The following LPP variants were observed in gnomAD, a reference collection of about 807,000 sequenced individuals.
The protein encoded by LPP is LIM domain containing preferred translocation partner in lipoma, also known as lipoma-preferred partner.
LPP carries 38 observed loss-of-function variants against 60.4 expected under a neutral mutation model. The observed-to-expected ratio is 0.63, with a 90% CI of 0.49 to 0.83. LPP has a LOEUF of 0.83. Among genes scored for constraint, LPP ranks in the 40% least tolerant of loss-of-function variants. The pLI is 0.00. For missense variants in LPP, 902 were observed against 783.6 expected, an observed-to-expected ratio of 1.15 and a Z score of -1.80; for synonymous variants, 328 against 290.8, an observed-to-expected ratio of 1.13 and a Z score of -1.30.
intron 4 of LPP, among the ~76,000 whole-genome samples, chr3:188,450,419 A>G (rs1469234322): frequency 1.3e-5 from 2 of 152,134 alleles, no homozygotes; most frequent in Non-Finnish European, 2.9e-5. Flanking sequence ...GTTAATTCAC[A>G]TTTATCTATA....
At chr3:188,531,000 C>T (rs1014390675) in intron 6 of LPP, among the ~76,000 whole-genome samples, 1 of 152,134 alleles carries the variant, frequency 6.6e-6, no homozygotes, top group African/African-American at 2.4e-5. Context: ...AGTTAGGGTA[C>T]AGTATTCATC....
rs535252272 is a variant in LPP at position 188,760,405 on chromosome 3, G to T, written c.1410+123G>T. 5.0e-5 allele frequency: 37 copies of T among 742,250 alleles called. No individual in the cohort carries two copies. In the African/African-American group the frequency reaches 8.7e-4, roughly 17 times the overall value. 46.0% of individuals were successfully genotyped at this position (742,250 alleles called of 1,614,324 possible). A position where few individuals can be genotyped will look rare whatever the true frequency, so the allele number is the denominator to read the frequency against. On this transcript the variant is annotated intron_variant, in intron 9 of 11. Coordinates refer to ENST00000617246, the MANE Select transcript of LPP (RefSeq NM_001375462.1). ...TCTTCCTAGACTTCAAAATGTGTGT[G>T]TGGGGTGTGTGTGTGTGTGTGTGTG...
chr3:188,462,587 CATGTGT>C (rs1431537171), intron 4 of LPP, among the ~76,000 whole-genome samples: 4,762 of 43,152 alleles, frequency 0.11, 534 homozygotes, highest in East Asian at 0.43. Flanking sequence ...TATATATATG[CATGTGT>C]GTGTGTGTGT....
chr3:188,454,307 T>C (rs1372137126), intron 4 of LPP, among the ~76,000 whole-genome samples: 3 of 152,238 alleles, frequency 2.0e-5, no homozygotes. Flanking sequence ...TCTCAGTTGA[T>C]GGTATTTGAG....
Position 188,497,464 on chromosome 3 carries a change from G to C in LPP, c.306+12760G>C, listed in dbSNP as rs148485113. On this transcript the variant is annotated intron_variant, in intron 5 of 11. Coordinates refer to ENST00000617246, the MANE Select transcript of LPP (RefSeq NM_001375462.1). ...AGAAATTATGTCATCCCCATATTTA[G>C]AGCAATGAATAATTGCATAACTTTT... Among the ~76,000 whole-genome samples the C allele has an allele frequency of 9.9e-5, 15 of 152,180 alleles. No homozygotes were observed. The East Asian group carries it at 2.3e-3, about 23-fold the overall frequency.
At chr3:188,316,003 G>T (rs1754930840) in intron 2 of LPP, among the ~76,000 whole-genome samples, 1 of 152,222 alleles carries the variant, frequency 6.6e-6, no homozygotes, top group African/African-American at 2.4e-5. Flanking sequence ...TCTGGGCGCG[G>T]TGGCTTACGC....
intron 7 of LPP, among the ~76,000 whole-genome samples, chr3:188,613,911 AT>A (rs1440405025): frequency 2.1e-5 from 3 of 145,304 alleles, no homozygotes; most frequent in African/African-American, 8.0e-5. Context: ...AATTTTATTT[AT>A]TTATTTATTT....
chr3:188,714,510 G>A (rs1198917296), intron 8 of LPP, among the ~76,000 whole-genome samples: 4 of 151,836 alleles, frequency 2.6e-5, no homozygotes, highest in Non-Finnish European at 5.9e-5. Context: ...ATCACTAATA[G>A]CCACCGTTCT....
chr3:188,347,716 C>T (rs1764758209), intron 3 of LPP, among the ~76,000 whole-genome samples: 1 of 152,202 alleles, frequency 6.6e-6, no homozygotes, highest in Admixed American at 6.5e-5. Context: ...GTGATGACTG[C>T]CACATGTGTG....
intron 5 of LPP, among the ~76,000 whole-genome samples, chr3:188,520,942 T>G (rs370055791): frequency 3.2e-4 from 48 of 152,238 alleles, no homozygotes; most frequent in African/African-American, 1.1e-3. Context: ...AGGATTCTGT[T>G]GCTTGGTTAT....
chr3:188,370,601 G>T (rs750725984), intron 3 of LPP, among the ~76,000 whole-genome samples: 2 of 152,150 alleles, frequency 1.3e-5, no homozygotes, highest in Non-Finnish European at 2.9e-5. Flanking sequence ...GCAGGCTAGT[G>T]TCTCACAGTT....
At chr3:188,657,083 C>T (rs1408939051) in intron 7 of LPP, among the ~76,000 whole-genome samples, 1 of 151,728 alleles carries the variant, frequency 6.6e-6, no homozygotes, top group Non-Finnish European at 1.5e-5. Flanking sequence ...GGCCCATTTC[C>T]ATGGAACATT....
At chr3:188,369,663 C>T (rs976183993) in intron 3 of LPP, among the ~76,000 whole-genome samples, 2 of 152,142 alleles carry the variant, frequency 1.3e-5, no homozygotes, top group East Asian at 1.9e-4. Flanking sequence ...AAGTGCTTTC[C>T]GTCGATAAGC....
In LPP at chr3:188,884,492, G is replaced by C; in HGVS notation, c.*10013G>C. On this transcript the variant is annotated 3_prime_UTR_variant, in exon 12 of 12. Coordinates refer to ENST00000617246, the MANE Select transcript of LPP (RefSeq NM_001375462.1). ...CTTGTGGGAAACCTCTAGGTATTCT[G>C]TCTGATCAGCACTGTGAGGAAGTTG... 8.7e-6 allele frequency: 2 copies of C among 229,070 alleles called. No homozygotes were observed. Among genetic ancestry groups the C allele is most frequent in the Non-Finnish European group, 1.7e-5 (2 of 115,512 alleles). The allele number at this position is 229,070 out of a possible 1,614,324, so 14.2% of individuals were successfully genotyped here. A position where few individuals can be genotyped will look rare whatever the true frequency, so the allele number is the denominator to read the frequency against.
intron 3 of LPP, among the ~76,000 whole-genome samples, chr3:188,400,397 G>A (rs1253548085): frequency 6.6e-6 from 1 of 152,118 alleles, no homozygotes; most frequent in African/African-American, 2.4e-5. Flanking sequence ...TGCTAGATGT[G>A]GGTAATGATA....
intron 9 of LPP, among the ~76,000 whole-genome samples, chr3:188,799,334 G>A (rs1293674651): frequency 6.6e-6 from 1 of 152,130 alleles, no homozygotes; most frequent in African/African-American, 2.4e-5. Flanking sequence ...TTCGCGATGG[G>A]TACAAAACCA....
intron 7 of LPP, among the ~76,000 whole-genome samples, chr3:188,664,224 A>G (rs114533594): frequency 0.01 from 1,534 of 152,278 alleles, 28 homozygotes; most frequent in African/African-American, 0.036. Flanking sequence ...ATCTTTAATG[A>G]AAGTTTTAGT....
At chr3:188,377,454 T>G (rs1270683973) in intron 3 of LPP, among the ~76,000 whole-genome samples, 1 of 152,228 alleles carries the variant, frequency 6.6e-6, no homozygotes, top group Non-Finnish European at 1.5e-5. Context: ...ATTTCATTCA[T>G]TTTGTCGTCC....
intron 1 of LPP, among the ~76,000 whole-genome samples, chr3:188,170,630 C>G (rs1291199713): frequency 6.6e-6 from 1 of 151,098 alleles, no homozygotes; most frequent in African/African-American, 2.4e-5. Context: ...CATGCCCAGC[C>G]GAGGGAGTCT....
Sources: allele counts gnomAD v4.1 joint callset (sites outside exome capture counted in the v4.1 genomes callset), GRCh38; gene constraint gnomAD v4.1.1; transcripts MANE v1.5; gene names NCBI Gene and HGNC (gene_info 2026-07-23, HGNC 2026-07-21).